The following ASIC2 variants were observed in gnomAD, a reference collection of about 807,000 sequenced individuals.
ASIC2 encodes the protein acid-sensing ion channel 2.
In ASIC2, 25 loss-of-function variants were observed where a neutral mutation model predicts 57.3. That is an observed-to-expected ratio of 0.44 (90% CI 0.32 to 0.61). ASIC2 has a LOEUF of 0.61. Among genes scored for constraint, ASIC2 ranks in the 20% least tolerant of loss-of-function variants. The pLI is 0.06. For synonymous variants in ASIC2, 319 were observed against 307.5 expected, an observed-to-expected ratio of 1.04 and a Z score of -0.39; for missense variants, 641 against 738.1, an observed-to-expected ratio of 0.87 and a Z score of 1.52.
intron 1 of ASIC2, among the ~76,000 whole-genome samples, chr17:33,892,725 A>T (rs754562332): frequency 2.0e-5 from 3 of 152,234 alleles, no homozygotes; most frequent in Non-Finnish European, 4.4e-5. Context: ...TTTATTTCTC[A>T]AAATAAGCCA....
chr17:33,693,517 G>C (rs1908435838), intron 1 of ASIC2, among the ~76,000 whole-genome samples: 1 of 152,192 alleles, frequency 6.6e-6, no homozygotes, highest in Non-Finnish European at 1.5e-5. Flanking sequence ...GATGGAGGCA[G>C]ATGAAATTGA....
intron 2 of ASIC2, among the ~76,000 whole-genome samples, chr17:33,095,308 ACCT>A (rs1424977366): frequency 6.6e-6 from 1 of 151,606 alleles, no homozygotes; most frequent in Non-Finnish European, 1.5e-5. Flanking sequence ...TGCACTCACC[ACCT>A]CCTCGACATT....
intron 1 of ASIC2, among the ~76,000 whole-genome samples, chr17:34,089,300 G>T (rs1442936221): frequency 6.6e-6 from 1 of 152,122 alleles, no homozygotes. Flanking sequence ...CTTCATAGAG[G>T]GTACACTATG....
At chr17:33,585,245 C>CGAGCCAGGCAGGCCAT (rs1303382140) in intron 1 of ASIC2, among the ~76,000 whole-genome samples, 1 of 152,072 alleles carries the variant, frequency 6.6e-6, no homozygotes, top group Non-Finnish European at 1.5e-5. Flanking sequence ...AGGCAGGCCA[C>CGAGCCAGGCAGGCCAT]GTGGCTCATG....
chr17:33,558,470 C>G (rs1365053853), intron 1 of ASIC2, among the ~76,000 whole-genome samples: 1 of 152,154 alleles, frequency 6.6e-6, no homozygotes, highest in African/African-American at 2.4e-5. Flanking sequence ...CTGTGGTGTT[C>G]TCTAATCTCC....
intron 1 of ASIC2, among the ~76,000 whole-genome samples, chr17:33,940,010 A>T (rs758276137): frequency 6.6e-6 from 1 of 152,186 alleles, no homozygotes; most frequent in Non-Finnish European, 1.5e-5. Flanking sequence ...TAAAAGAAAG[A>T]AAAGGAGGAG....
intron 1 of ASIC2, among the ~76,000 whole-genome samples, chr17:33,712,436 G>A (rs1256582260): frequency 4.6e-5 from 7 of 152,010 alleles, no homozygotes; most frequent in Admixed American, 1.3e-4. Flanking sequence ...ATAACAATTT[G>A]CCCCCCAAAA....
chr17:33,338,612 A>G (rs894349828), intron 1 of ASIC2, among the ~76,000 whole-genome samples: 3 of 152,210 alleles, frequency 2.0e-5, no homozygotes, highest in Non-Finnish European at 4.4e-5. Flanking sequence ...GGGAGAGCTG[A>G]TAGCAGGACA....
intron 1 of ASIC2, among the ~76,000 whole-genome samples, chr17:33,518,126 A>C (rs1914630364): frequency 6.6e-6 from 1 of 152,024 alleles, no homozygotes; most frequent in Non-Finnish European, 1.5e-5. Flanking sequence ...CCTCTTTTTG[A>C]TTTTTTTGGA....
chr17:33,736,947 GTAACTGAGATA>G (rs1468804589), intron 1 of ASIC2, among the ~76,000 whole-genome samples: 1 of 152,266 alleles, frequency 6.6e-6, no homozygotes, highest in Non-Finnish European at 1.5e-5. Flanking sequence ...TTATCGAGGT[GTAACTGAGATA>G]CAGTAAGCTG....
At chr17:33,108,474 G>GGA (rs2092243882) in intron 2 of ASIC2, among the ~76,000 whole-genome samples, 2 of 152,196 alleles carry the variant, frequency 1.3e-5, no homozygotes, top group Non-Finnish European at 2.9e-5. Flanking sequence ...GCCTGGCTGT[G>GGA]TCCATCATCC....
rs148682071 is a variant in ASIC2 at position 33,099,167 on chromosome 17, T to G, written c.860-10177A>C. On this transcript the variant is annotated intron_variant, in intron 2 of 9. Coordinates refer to ENST00000225823, the MANE Select transcript of ASIC2 (RefSeq NM_183377.2). ...ACCACCATGCCCGGCTAGGTTTTTT[T>G]TTGTTGTTGTTGTTATTTTTGTTAT... 6.3e-3 allele frequency among the ~76,000 whole-genome samples: 948 copies of G among 151,624 alleles called. 9 individuals carry two copies. Among genetic ancestry groups the G allele is most frequent in the African/African-American group, 0.022 (898 of 41,368 alleles).
chr17:33,245,129 C>A (rs1293159224), intron 1 of ASIC2, among the ~76,000 whole-genome samples: 4 of 152,170 alleles, frequency 2.6e-5, no homozygotes, highest in African/African-American at 9.7e-5. Flanking sequence ...TATAAAGACT[C>A]CCTAGTGGCC....
chr17:33,482,215 A>G (rs1913429331), intron 1 of ASIC2, among the ~76,000 whole-genome samples: 1 of 152,192 alleles, frequency 6.6e-6, no homozygotes, highest in East Asian at 1.9e-4. Flanking sequence ...GGTTGTTGAG[A>G]CTCAGCCTGC....
At chr17:33,615,913 T>C (rs1254945854) in intron 1 of ASIC2, among the ~76,000 whole-genome samples, 1 of 152,210 alleles carries the variant, frequency 6.6e-6, no homozygotes. Flanking sequence ...AGTCTCAGAC[T>C]GGGCTCTCAC....
At chr17:33,454,582 G>A (rs1033212480) in intron 1 of ASIC2, among the ~76,000 whole-genome samples, 1 of 152,194 alleles carries the variant, frequency 6.6e-6, no homozygotes, top group African/African-American at 2.4e-5. Context: ...GGCTAAGAGA[G>A]GCTTTATTCT....
chr17:33,039,239 G>A (rs986814490), intron 3 of ASIC2, among the ~76,000 whole-genome samples: 3 of 152,302 alleles, frequency 2.0e-5, no homozygotes, highest in East Asian at 1.9e-4. Flanking sequence ...TGGTGCCACA[G>A]GGATTGGACA....
intron 1 of ASIC2, among the ~76,000 whole-genome samples, chr17:33,371,935 G>A (rs1894779817): frequency 6.6e-6 from 1 of 152,100 alleles, no homozygotes; most frequent in Admixed American, 6.5e-5. Flanking sequence ...GTGAGGACAG[G>A]GGTATGTAGA....
chr17:33,175,965 T>A (rs1905739021), intron 1 of ASIC2, among the ~76,000 whole-genome samples: 1 of 152,236 alleles, frequency 6.6e-6, no homozygotes, highest in African/African-American at 2.4e-5. Flanking sequence ...GTCCAGTGCC[T>A]GCTTTTGTCT....
Sources: gnomAD v4.1 joint callset for allele counts (sites outside exome capture counted in the v4.1 genomes callset) on GRCh38, gnomAD v4.1.1 for gene constraint, MANE v1.5 for transcripts, NCBI Gene and HGNC (gene_info 2026-07-23, HGNC 2026-07-21) for gene names.